ARHGAP24: variants seen among roughly 807,000 people sequenced by gnomAD.
ARHGAP24 encodes the protein Rho GTPase activating protein 24, also known as rho GTPase-activating protein 24.
Under a neutral mutation model 76.4 loss-of-function variants are expected in ARHGAP24, and 50 were observed. That is an observed-to-expected ratio of 0.65 (90% CI 0.52 to 0.83). The LOEUF is 0.83. Ranked by LOEUF, ARHGAP24 falls within the 40% of genes least tolerant of loss-of-function variation. The probability of loss-of-function intolerance (pLI) is 0.00; values close to 1 mark genes in which losing one functional copy is unlikely to be tolerated. For missense variants in ARHGAP24, 930 were observed against 914.2 expected, an observed-to-expected ratio of 1.02 and a Z score of -0.22; for synonymous variants, 345 against 323.3, an observed-to-expected ratio of 1.07 and a Z score of -0.72.
chr4:85,847,336 C>CT (rs1730949212), intron 3 of ARHGAP24, among the ~76,000 whole-genome samples: 1 of 151,898 alleles, frequency 6.6e-6, no homozygotes, highest in Non-Finnish European at 1.5e-5. Flanking sequence ...GTGTATTAAA[C>CT]TGATAAAGTC....
chr4:85,909,703 T>G (rs1259838831), intron 3 of ARHGAP24, among the ~76,000 whole-genome samples: 4 of 152,204 alleles, frequency 2.6e-5, no homozygotes, highest in Non-Finnish European at 5.9e-5. Flanking sequence ...ACTCTTTAAT[T>G]TAAAATTATG....
At chr4:85,937,854 A>T (rs932222015) in intron 4 of ARHGAP24, among the ~76,000 whole-genome samples, 10 of 152,238 alleles carry the variant, frequency 6.6e-5, no homozygotes, top group African/African-American at 2.4e-4. Context: ...AAATGATGAA[A>T]AGGAGACAGA....
At chr4:85,748,536 A>T (rs911761479) in intron 3 of ARHGAP24, among the ~76,000 whole-genome samples, 1 of 152,224 alleles carries the variant, frequency 6.6e-6, no homozygotes, top group Non-Finnish European at 1.5e-5. Context: ...AGAATATATG[A>T]TCCAGACAAA....
At chr4:85,705,878 T>G (rs1724290555) in intron 2 of ARHGAP24, among the ~76,000 whole-genome samples, 1 of 152,142 alleles carries the variant, frequency 6.6e-6, no homozygotes, top group Non-Finnish European at 1.5e-5. Context: ...AGGAGGAATA[T>G]CTGAGTCATG....
chr4:85,808,639 G>A (rs1427987629), intron 3 of ARHGAP24, among the ~76,000 whole-genome samples: 2 of 152,170 alleles, frequency 1.3e-5, no homozygotes, highest in African/African-American at 4.8e-5. Context: ...ACTATAGAGA[G>A]AAGGAAGATC....
chr4:85,533,113 T>A (rs1725335231), intron 1 of ARHGAP24, among the ~76,000 whole-genome samples: 1 of 152,138 alleles, frequency 6.6e-6, no homozygotes, highest in Non-Finnish European at 1.5e-5. Flanking sequence ...AAATATATAG[T>A]GGGAATATTT....
chr4:85,868,381 T>C (rs796731546), intron 3 of ARHGAP24, among the ~76,000 whole-genome samples: 2 of 152,202 alleles, frequency 1.3e-5, no homozygotes, highest in African/African-American at 4.8e-5. Flanking sequence ...TGCTACACTC[T>C]CAGCTAGTTT....
intron 2 of ARHGAP24, among the ~76,000 whole-genome samples, chr4:85,611,430 A>C (rs1720377729): frequency 6.6e-6 from 1 of 152,224 alleles, no homozygotes; most frequent in African/African-American, 2.4e-5. Flanking sequence ...TCTCCACTAG[A>C]TCCCATGACA....
chr4:85,872,853 C>T (rs1447225464), intron 3 of ARHGAP24, among the ~76,000 whole-genome samples: 2 of 152,040 alleles, frequency 1.3e-5, no homozygotes, highest in African/African-American at 4.8e-5. Flanking sequence ...CCACCCGCCT[C>T]AGCCTCCCTA....
intron 3 of ARHGAP24, among the ~76,000 whole-genome samples, chr4:85,770,836 A>G (rs1466673298): frequency 3.3e-5 from 5 of 152,196 alleles, no homozygotes; most frequent in African/African-American, 1.2e-4. Flanking sequence ...CCTTGGCCTA[A>G]CCCAGTAAGG....
intron 3 of ARHGAP24, among the ~76,000 whole-genome samples, chr4:85,899,977 G>A (rs1370927165): frequency 1.3e-5 from 2 of 152,138 alleles, no homozygotes; most frequent in Non-Finnish European, 2.9e-5. Flanking sequence ...AGATTACAAA[G>A]ATATTTGTGG....
At chr4:85,897,891 G>A (rs1734276352) in intron 3 of ARHGAP24, among the ~76,000 whole-genome samples, 1 of 151,852 alleles carries the variant, frequency 6.6e-6, no homozygotes, top group African/African-American at 2.4e-5. Flanking sequence ...GTGTGTGCAC[G>A]CAAATGTGTG....
intron 3 of ARHGAP24, among the ~76,000 whole-genome samples, chr4:85,887,535 G>C (rs1353020188): frequency 1.3e-5 from 2 of 152,028 alleles, no homozygotes; most frequent in African/African-American, 2.4e-5. Flanking sequence ...GAAACACCAG[G>C]ACATAACAAT....
chr4:85,842,870 T>C (rs1306249145), intron 3 of ARHGAP24, among the ~76,000 whole-genome samples: 1 of 152,178 alleles, frequency 6.6e-6, no homozygotes, highest in Non-Finnish European at 1.5e-5. Context: ...CCTCCCACTT[T>C]GATGGTGGGG....
chr4:85,605,347 C>T (rs1043535501), intron 2 of ARHGAP24, among the ~76,000 whole-genome samples: 1 of 152,108 alleles, frequency 6.6e-6, no homozygotes, highest in Non-Finnish European at 1.5e-5. Context: ...GGGAAGTCCA[C>T]AATGTACCTC....
At chr4:85,734,210 G>T (rs1485087667) in intron 3 of ARHGAP24, among the ~76,000 whole-genome samples, 2 of 152,150 alleles carry the variant, frequency 1.3e-5, no homozygotes, top group Non-Finnish European at 2.9e-5. Flanking sequence ...AACAAATATT[G>T]TATATCTAGC....
intron 2 of ARHGAP24, among the ~76,000 whole-genome samples, chr4:85,690,133 T>C (rs1264256970): frequency 1.3e-5 from 2 of 152,252 alleles, no homozygotes; most frequent in African/African-American, 4.8e-5. Context: ...TTTTAAATTA[T>C]GTTTATGTGG....
At chr4:85,582,591 C>G (rs746189891) in intron 2 of ARHGAP24, among the ~76,000 whole-genome samples, 1 of 152,038 alleles carries the variant, frequency 6.6e-6, no homozygotes, top group Non-Finnish European at 1.5e-5. Flanking sequence ...ATTCATTTTT[C>G]AATGAATTAT....
chr4:85,522,919 T>G (rs1169662368), intron 1 of ARHGAP24, among the ~76,000 whole-genome samples: 1 of 152,190 alleles, frequency 6.6e-6, no homozygotes, highest in Admixed American at 6.6e-5. Flanking sequence ...CTTTTGCCTT[T>G]TCCTCTGCTT....
Sources: allele counts gnomAD v4.1 joint callset (sites outside exome capture counted in the v4.1 genomes callset), GRCh38; gene constraint gnomAD v4.1.1; transcripts MANE v1.5; gene names NCBI Gene and HGNC (gene_info 2026-07-23, HGNC 2026-07-21).